MS4A1: variants seen among roughly 807,000 people sequenced by gnomAD.
MS4A1 encodes the protein B-lymphocyte antigen CD20.
In MS4A1, 16 loss-of-function variants were observed where a neutral mutation model predicts 26.5. The ratio of observed to expected loss-of-function variants is 0.60; its 90% CI spans 0.41 to 0.92. MS4A1 has a LOEUF of 0.92. Among genes scored for constraint, MS4A1 ranks in the 40% least tolerant of loss-of-function variants. MS4A1 has a pLI of 0.00. For missense variants in MS4A1, 350 were observed against 353.0 expected (o/e 0.99, Z 0.07); for synonymous variants, 128 against 117.6 (o/e 1.09, Z -0.57).
chr11:60,467,252 G>T lies in MS4A1; in HGVS notation c.675+192G>T, dbSNP rs561157196. On this transcript the variant is annotated intron_variant, in intron 7 of 7. Coordinates refer to ENST00000345732, the MANE Select transcript of MS4A1 (RefSeq NM_152866.3). ...AATTTGAAATAAGTCTGTAGTTAGAGCCTACAGTTCTATATTCTGTGCGTC... is the reference window on the plus strand; with the variant it reads ...AATTTGAAATAAGTCTGTAGTTAGATCCTACAGTTCTATATTCTGTGCGTC... Among the ~76,000 whole-genome samples the T allele has an allele frequency of 6.0e-5, 9 of 150,552 alleles. No homozygotes were observed. The South Asian group carries it at 1.9e-3, about 32-fold the overall frequency.
intron 7 of MS4A1, among the ~76,000 whole-genome samples, chr11:60,467,797 C>G (rs1004344546): frequency 6.6e-6 from 1 of 152,096 alleles, no homozygotes; most frequent in African/African-American, 2.4e-5. Flanking sequence ...GAAATAAAAA[C>G]AGACCAATAA....
In MS4A1 at chr11:60,467,361, T is replaced by C. The variant is rs927254996; in HGVS notation, c.675+301T>C. Among the ~76,000 whole-genome samples the C allele has an allele frequency of 4.7e-5, 7 of 148,388 alleles. No individual in the cohort carries two copies. In the Admixed American group the frequency reaches 4.8e-4, roughly 10 times the overall value. ...GGCGCGATCTTGGCCCAGTGCAACC[T>C]CTGCCTCCGGGTTCAGGCGATTCTC... On this transcript the variant is annotated intron_variant, in intron 7 of 7. Transcript: ENST00000345732.
Position 60,462,434 on chromosome 11 carries a change from T to C in MS4A1, c.60T>C (p.Pro20=), listed in dbSNP as rs1273768917. The C allele has an allele frequency of 6.8e-6, 11 of 1,614,110 alleles. No homozygotes were observed. Among genetic ancestry groups the C allele is most frequent in the Non-Finnish European group, 9.3e-6 (11 of 1,180,046 alleles). Residue 20 remains proline (P), a synonymous_variant, in exon 3 of 8, where the codon CCT becomes CCC. Coordinates refer to ENST00000345732, the MANE Select transcript of MS4A1 (RefSeq NM_152866.3). The part of the protein sequence containing the change: ...GTFPAEPMKG[P]IAMQSGPKPL... ...TCCCGGCAGAGCCAATGAAAGGCCC[T>C]ATTGCTATGCAATCTGGTCCAAAAC...
chr11:60,463,828 T>A, intron 4 of MS4A1: 1 of 455,858 alleles, frequency 2.2e-6, no homozygotes, highest in South Asian at 1.6e-5. Context: ...AATGTTTTCA[T>A]GGAGTGCCTG....
Position 60,466,052 on chromosome 11 carries a change from A to T in MS4A1, c.468A>T (p.Arg156Ser). 6.2e-7 allele frequency: 1 copy of T among 1,614,004 alleles called. No homozygotes were observed. The highest frequency in any genetic ancestry group is 8.5e-7 in the Non-Finnish European group (1 of 1,179,878). The stretch of plus-strand genomic sequence containing the variant: ...AAATGGAGAGTCTGAATTTTATTAG[A>T]GCTCACACACCATATATTAACATAT... ...FLKMESLNFI[R>S]AHTPYINIYN... is the part of the protein sequence containing the mutation. The change falls in exon 6 of 8, where the codon AGA becomes AGT. Residue 156 changes from arginine (R) to serine (S), a missense_variant. Coordinates refer to ENST00000345732, the MANE Select transcript of MS4A1 (RefSeq NM_152866.3).
intron 5 of MS4A1, among the ~76,000 whole-genome samples, chr11:60,464,993 CTG>C (rs1420256417): frequency 3.3e-5 from 5 of 152,208 alleles, no homozygotes; most frequent in African/African-American, 1.2e-4. Flanking sequence ...TCCCCCAACA[CTG>C]TTACTAAACT....
rs2135197301 is a variant in MS4A1, at chr11:60,462,460, C to T, written c.86C>T (p.Pro29Leu). 3 of 1,614,176 alleles carry T rather than the reference C, an allele frequency of 1.9e-6. No individual in the cohort carries two copies. The highest frequency in any genetic ancestry group is 1.7e-6 in the Non-Finnish European group (2 of 1,180,018). ...ATTGCTATGCAATCTGGTCCAAAACCACTCTTCAGGAGGATGTCTTCACTG... is the reference window on the plus strand; with the variant it reads ...ATTGCTATGCAATCTGGTCCAAAACTACTCTTCAGGAGGATGTCTTCACTG... Reference protein sequence around the residue: ...GPIAMQSGPKPLFRRMSSLVG... With the variant: ...GPIAMQSGPKLLFRRMSSLVG... Residue 29 changes from proline to leucine, a missense_variant, in exon 3 of 8, where the codon CCA becomes CTA. Physicochemically the swap from Pro to Leu is moderately conservative, Grantham distance 98 (BLOSUM62 -3). Coordinates refer to ENST00000345732, the MANE Select transcript of MS4A1 (RefSeq NM_152866.3).
chr11:60,466,532 G>T (rs904457295), intron 6 of MS4A1: 3 of 326,082 alleles, frequency 9.2e-6, no homozygotes, highest in Non-Finnish European at 1.7e-5. Context: ...TTCCTAAGAT[G>T]TTATGAATAT....
Position 60,468,766 on chromosome 11 carries a change from G to A in MS4A1, c.*298G>A. 2.8e-6 allele frequency: 1 copy of A among 353,504 alleles called. No homozygotes were observed. The highest frequency in any genetic ancestry group is 5.1e-6 in the Non-Finnish European group (1 of 195,754). 21.9% of individuals were successfully genotyped at this position (353,504 alleles called of 1,614,324 possible). A position where few individuals can be genotyped will look rare whatever the true frequency, so the allele number is the denominator to read the frequency against. Reference sequence around the variant, plus strand: ...ACCTGTTCCTTGGATAGGCTTTTTAGTATAGTATTTTTTTTTGTCATTTTC... The same window carrying A: ...ACCTGTTCCTTGGATAGGCTTTTTAATATAGTATTTTTTTTTGTCATTTTC... On this transcript the variant is annotated 3_prime_UTR_variant, in exon 8 of 8. Coordinates refer to ENST00000345732, the MANE Select transcript of MS4A1 (RefSeq NM_152866.3).
intron 1 of MS4A1, among the ~76,000 whole-genome samples, chr11:60,459,169 G>A (rs1172102111): frequency 5.3e-5 from 8 of 152,186 alleles, no homozygotes; most frequent in Admixed American, 1.3e-4. Context: ...AACAATTGAT[G>A]ACCTTTGCAT....
At chr11:60,456,546 G>A (rs895270808) in intron 1 of MS4A1, among the ~76,000 whole-genome samples, 2 of 152,146 alleles carry the variant, frequency 1.3e-5, no homozygotes, top group Non-Finnish European at 2.9e-5. Context: ...ACACCAAGTT[G>A]AGCATGAAAT....
chr11:60,469,174 G>T lies in MS4A1; in HGVS notation c.*706G>T, dbSNP rs1266062279. The stretch of plus-strand genomic sequence containing the variant: ...TACTTTTAGCCATTATGCGAGAAAA[G>T]AAAAAAATGACCATAGAAAATGCCA... On this transcript the variant is annotated 3_prime_UTR_variant, in exon 8 of 8. Transcript: ENST00000345732. 6.6e-6 allele frequency: 1 copy of T among 151,908 alleles called. No homozygotes were observed. The highest frequency in any genetic ancestry group is 2.4e-5 in the African/African-American group (1 of 41,386). The allele number at this position is 151,908 out of a possible 1,614,324, so 9.4% of individuals were successfully genotyped here.
intron 3 of MS4A1, 28 bp downstream of exon 3, chr11:60,462,561 C>T (rs747434089): frequency 9.3e-6 from 15 of 1,613,662 alleles, no homozygotes; most frequent in East Asian, 6.7e-5. Context: ...CATCCCATGT[C>T]GTAGGGATTC....
chr11:60,469,847 G>A lies in MS4A1; in HGVS notation c.*1379G>A, dbSNP rs201234122. On this transcript the variant is annotated 3_prime_UTR_variant, in exon 8 of 8. Coordinates refer to ENST00000345732, the MANE Select transcript of MS4A1 (RefSeq NM_152866.3). ...CACTATAATCTGTAGTCTATTATTT[G>A]GGCATTTGCTACATGATGAGTGCTG... The A allele has an allele frequency of 6.6e-6, 1 of 152,046 alleles. No homozygotes were observed. Among genetic ancestry groups the A allele is most frequent in the South Asian group, 2.1e-4 (1 of 4,804 alleles). The allele number at this position is 152,046 out of a possible 1,614,324, so 9.4% of individuals were successfully genotyped here.
chr11:60,467,119 T>A (rs2135203326), intron 7 of MS4A1, 59 bp downstream of exon 7: 1 of 1,350,238 alleles, frequency 7.4e-7, no homozygotes, highest in East Asian at 2.3e-5. Context: ...CCACAAAGGA[T>A]CATTTATGGA....
chr11:60,468,604 A>G lies in MS4A1; in HGVS notation c.*136A>G, dbSNP rs1349351442. The G allele has an allele frequency of 9.1e-6, 7 of 772,598 alleles. No homozygotes were observed. In the South Asian group the frequency reaches 9.4e-5, roughly 10 times the overall value. 47.9% of individuals were successfully genotyped at this position (772,598 alleles called of 1,614,324 possible). On this transcript the variant is annotated 3_prime_UTR_variant, in exon 8 of 8. Coordinates refer to ENST00000345732, the MANE Select transcript of MS4A1 (RefSeq NM_152866.3). ...TATCTGGCCTTTGCATGGAGTGACC[A>G]TAGCTCCTTCTCTCTTACATTGAAT...
Position 60,463,003 on chromosome 11 carries a change from C to T in MS4A1, c.161C>T (p.Ala54Val), listed in dbSNP as rs1186650634. The T allele has an allele frequency of 6.2e-7, 1 of 1,613,778 alleles. No homozygotes were observed. Among genetic ancestry groups the T allele is most frequent in the Non-Finnish European group, 8.5e-7 (1 of 1,180,014 alleles). ...FFMRESKTLG[A>V]VQIMNGLFHI... The stretch of plus-strand genomic sequence containing the variant: ...CTGCTGCCTCTGTTCTCTCCCCAGG[C>T]TGTCCAGATTATGAATGGGCTCTTC... The change falls in exon 4 of 8, where the codon GCT becomes GTT. Residue 54 changes from alanine (A) to valine (V), a missense_variant and splice_region_variant. By Grantham distance (64) the Ala-to-Val change is moderately conservative (BLOSUM62 0). Transcript: ENST00000345732.
chr11:60,468,104 C>A (rs924757823), intron 7 of MS4A1, 146 bp from the exon 8 acceptor site: 82 of 685,336 alleles, frequency 1.2e-4, no homozygotes, highest in Non-Finnish European at 1.1e-4. Flanking sequence ...TAAGCACCTG[C>A]AAAAAAATTT....
Position 60,464,392 on chromosome 11 carries a change from T to C in MS4A1, c.336+48T>C, listed in dbSNP as rs766434836. 6.4e-6 allele frequency: 10 copies of C among 1,567,390 alleles called. No homozygotes were observed. In the South Asian group the frequency reaches 7.8e-5, roughly 12 times the overall value. On this transcript the variant is annotated intron_variant, in intron 5 of 7. Transcript: ENST00000345732. ...TTCCCACATGTCAGAGAAGTACCTA[T>C]TTTTTTCGGTTAAAAACTGAGACCC...
Sources: allele counts gnomAD v4.1 joint callset (sites outside exome capture counted in the v4.1 genomes callset), GRCh38; gene constraint gnomAD v4.1.1; transcripts MANE v1.5; gene names NCBI Gene and HGNC (gene_info 2026-07-23, HGNC 2026-07-21).